The following SLC39A11 variants were observed in gnomAD, a reference collection of about 807,000 sequenced individuals.
SLC39A11 encodes solute carrier family 39 member 11, also known as zinc transporter ZIP11.
SLC39A11 carries 33 observed loss-of-function variants against 36.1 expected under a neutral mutation model. The ratio of observed to expected loss-of-function variants is 0.91; its 90% confidence interval spans 0.69 to 1.22. The LOEUF is 1.22. Ranked by LOEUF, SLC39A11 falls within the 50% of genes most tolerant of loss-of-function variation. The pLI is 0.00. For synonymous variants in SLC39A11, 166 were observed against 170.3 expected (o/e 0.97, Z 0.20); for missense variants, 432 against 430.3 (o/e 1.00, Z -0.03).
At chr17:72,722,937 C>T (rs1347076607) in intron 7 of SLC39A11, among the ~76,000 whole-genome samples, 2 of 152,072 alleles carry the variant, frequency 1.3e-5, no homozygotes, top group Non-Finnish European at 2.9e-5. Flanking sequence ...CACCTGGCTG[C>T]ACTTTCTAGA....
At chr17:72,819,061 G>A (rs888593982) in intron 6 of SLC39A11, 4 of 152,016 alleles carry the variant, frequency 2.6e-5, no homozygotes, top group Non-Finnish European at 4.4e-5. Context: ...AAATTGAACT[G>A]TCTCTCCCCC....
chr17:72,990,774 C>A (rs1568081169), intron 4 of SLC39A11, among the ~76,000 whole-genome samples: 1 of 152,132 alleles, frequency 6.6e-6, no homozygotes, highest in Non-Finnish European at 1.5e-5. Flanking sequence ...ACACACACAT[C>A]TACACTAAAA....
At chr17:72,716,795 C>T (rs1050922672) in intron 7 of SLC39A11, among the ~76,000 whole-genome samples, 8 of 151,468 alleles carry the variant, frequency 5.3e-5, no homozygotes, top group African/African-American at 1.7e-4. Flanking sequence ...ATGGTAAAAC[C>T]CCATCTCTAC....
At chr17:72,878,749 G>A (rs770748600) in intron 5 of SLC39A11, among the ~76,000 whole-genome samples, 4 of 152,140 alleles carry the variant, frequency 2.6e-5, no homozygotes, top group Non-Finnish European at 4.4e-5. Flanking sequence ...AACTGTATGG[G>A]GATTTCTCCC....
At chr17:72,733,809 G>A (rs747530244) in intron 7 of SLC39A11, among the ~76,000 whole-genome samples, 5 of 152,158 alleles carry the variant, frequency 3.3e-5, no homozygotes, top group Admixed American at 1.3e-4. Context: ...GATTGCAGGT[G>A]GTCATCTAAG....
In SLC39A11 at chr17:72,891,984, A is replaced by G. The variant is rs897813464; in HGVS notation, c.431-42180T>C. Among the ~76,000 whole-genome samples, 3 of 152,194 alleles carry G rather than the reference A, an allele frequency of 2.0e-5. No homozygotes were observed. In the South Asian group the frequency reaches 6.2e-4, roughly 32 times the overall value. On this transcript the variant is annotated intron_variant, in intron 5 of 9. Transcript: ENST00000255559. Reference sequence around the variant, plus strand: ...GTGTCCAGCACACAGTAGGTGCTCAATAAAGATGTGCTGAATGAATACTAT... The same window carrying G: ...GTGTCCAGCACACAGTAGGTGCTCAGTAAAGATGTGCTGAATGAATACTAT...
At chr17:72,951,440 C>T (rs993984326) in intron 4 of SLC39A11, among the ~76,000 whole-genome samples, 8 of 152,100 alleles carry the variant, frequency 5.3e-5, no homozygotes, top group Admixed American at 2.0e-4. Context: ...AGACTCCCTG[C>T]TCACCTTCAC....
chr17:72,755,411 A>T (rs1422874294), intron 6 of SLC39A11, among the ~76,000 whole-genome samples: 1 of 152,236 alleles, frequency 6.6e-6, no homozygotes, highest in Non-Finnish European at 1.5e-5. Context: ...CAGTGTCTTT[A>T]AAACCCACAT....
chr17:72,944,532 A>C (rs200703700), intron 5 of SLC39A11, among the ~76,000 whole-genome samples: 6 of 151,058 alleles, frequency 4.0e-5, no homozygotes, highest in Non-Finnish European at 8.9e-5. Context: ...TTGCCTTTCA[A>C]ACACACACAC....
intron 5 of SLC39A11, among the ~76,000 whole-genome samples, chr17:72,854,304 G>A (rs2079525887): frequency 6.7e-6 from 1 of 148,278 alleles, no homozygotes; most frequent in Admixed American, 6.8e-5. Flanking sequence ...GTTGACTGGG[G>A]ATGAAGTGGG....
At chr17:72,729,983 G>T (rs896420248) in intron 7 of SLC39A11, among the ~76,000 whole-genome samples, 5 of 151,898 alleles carry the variant, frequency 3.3e-5, no homozygotes, top group Admixed American at 6.6e-5. Context: ...AAGACAATGC[G>T]GTCTGAATGG....
intron 4 of SLC39A11, among the ~76,000 whole-genome samples, chr17:72,974,217 A>G (rs2087667658): frequency 6.6e-6 from 1 of 152,148 alleles, no homozygotes; most frequent in Non-Finnish European, 1.5e-5. Context: ...CTCATGCCTC[A>G]GCCTCCTGAG....
At chr17:73,083,015 C>CAAAAAAAA (rs34607510) in intron 3 of SLC39A11, among the ~76,000 whole-genome samples, 1 of 89,784 alleles carries the variant, frequency 1.1e-5, no homozygotes, top group Non-Finnish European at 2.0e-5. Flanking sequence ...GACTCCATTT[C>CAAAAAAAA]AAAAAAAAAA....
chr17:72,844,157 C>T (rs73998427), intron 6 of SLC39A11, among the ~76,000 whole-genome samples: 5,639 of 152,246 alleles, frequency 0.037, 115 homozygotes, highest in Middle Eastern at 0.075. Context: ...AAAGAAGAGA[C>T]CTTTTCAAAG....
At chr17:72,736,836 T>A in intron 6 of SLC39A11, 117 bp from the exon 7 acceptor site, 1 of 872,232 alleles carries the variant, frequency 1.1e-6, no homozygotes, top group Non-Finnish European at 1.9e-6. Flanking sequence ...AAGAAAATCA[T>A]CGTAACAGCA....
intron 4 of SLC39A11, among the ~76,000 whole-genome samples, chr17:72,960,360 T>C (rs894409200): frequency 6.6e-6 from 1 of 152,216 alleles, no homozygotes; most frequent in African/African-American, 2.4e-5. Context: ...GATAGATGGA[T>C]GGATAGGTAG....
chr17:72,895,966 C>T (rs1349271443), intron 5 of SLC39A11, among the ~76,000 whole-genome samples: 2 of 151,720 alleles, frequency 1.3e-5, no homozygotes, highest in Non-Finnish European at 1.5e-5. Context: ...ATCCCAAGGC[C>T]CTATTAAAGA....
At chr17:72,815,211 A>G (rs147405531) in intron 6 of SLC39A11, among the ~76,000 whole-genome samples, 1 of 152,352 alleles carries the variant, frequency 6.6e-6, no homozygotes, top group Non-Finnish European at 1.5e-5. Context: ...GTAGCTGTCT[A>G]TGGAATCACC....
At chr17:73,049,668 T>C (rs141996263) in intron 3 of SLC39A11, among the ~76,000 whole-genome samples, 96 of 152,262 alleles carry the variant, frequency 6.3e-4, no homozygotes, top group African/African-American at 2.2e-3. Flanking sequence ...TCTGCAATAT[T>C]TTTCAAGTGC....
Sources: allele counts gnomAD v4.1 joint callset (sites outside exome capture counted in the v4.1 genomes callset), GRCh38; gene constraint gnomAD v4.1.1; transcripts MANE v1.5; gene names NCBI Gene and HGNC (gene_info 2026-07-23, HGNC 2026-07-21).